Variants in PRMT1 observed in about 807,000 individuals in gnomAD.
PRMT1 encodes protein arginine N-methyltransferase 1.
Under a neutral mutation model 47.4 loss-of-function variants are expected in PRMT1, and 5 were observed. The observed-to-expected ratio is 0.11, with a 90% CI of 0.06 to 0.22. The LOEUF is 0.22. PRMT1 is among the 10% of genes least tolerant of loss of function. The pLI is 1.00. For missense variants in PRMT1, 249 were observed against 518.4 expected, an observed-to-expected ratio of 0.48 and a Z score of 5.05; for synonymous variants, 227 against 204.6, an observed-to-expected ratio of 1.11 and a Z score of -0.94.
rs2082124269 is a variant in PRMT1, at chr19:49,681,972, C to T, written c.255C>T (p.His85=). Residue 85 remains histidine, a synonymous_variant, in exon 4 of 11, where the codon CAC becomes CAT. Coordinates refer to ENST00000454376, the MANE Select transcript of PRMT1 (RefSeq NM_001536.6). This position sits in a 1 kb window ranked among gnomAD's most constrained non-coding sequence, Gnocchi z 4.4. ...TYRNSMFHNR[H]LFKDKVVLDV... is the part of the protein sequence containing the mutation. ...GCAACTCCATGTTTCATAACCGGCA[C>T]CTCTTCAAGGACAAGGTGGTGCTGG... The T allele has an allele frequency of 6.2e-7, 1 of 1,614,190 alleles. No homozygotes were observed. Among genetic ancestry groups the T allele is most frequent in the South Asian group, 1.1e-5 (1 of 91,086 alleles).
At chr19:49,677,993 G>C (rs1428736861) in intron 1 of PRMT1, among the ~76,000 whole-genome samples, 1 of 152,160 alleles carries the variant, frequency 6.6e-6, no homozygotes, top group Non-Finnish European at 1.5e-5. Flanking sequence ...AGGAGTTGGG[G>C]GATGGGGCAT....
At chr19:49,683,464 G>A (rs1046994984) in intron 5 of PRMT1, among the ~76,000 whole-genome samples, 26 of 151,876 alleles carry the variant, frequency 1.7e-4, no homozygotes, top group Admixed American at 5.3e-4. Flanking sequence ...CGAGGCGGGC[G>A]GATCGTGAGG....
At position 49,680,613 on chromosome 19, in the gene PRMT1, C is replaced by T; in HGVS notation, c.192+25C>T. 6.4e-7 allele frequency: 1 copy of T among 1,553,834 alleles called. No individual in the cohort carries two copies. Among genetic ancestry groups the T allele is most frequent in the Non-Finnish European group, 8.9e-7 (1 of 1,125,514 alleles). On this transcript the variant is annotated intron_variant, in intron 3 of 10. Transcript: ENST00000454376. The surrounding 1 kb of genome is among the most constrained non-coding windows in gnomAD (Gnocchi z 4.2). ...GGTCAGTGGGGACAGTCCCCAAGGCCCCAATCTTAGGGGGGCTTAAATGTT... is the reference window on the plus strand; with the variant it reads ...GGTCAGTGGGGACAGTCCCCAAGGCTCCAATCTTAGGGGGGCTTAAATGTT...
chr19:49,687,840 G>A (rs1452159220), intron 10 of PRMT1: 2 of 427,908 alleles, frequency 4.7e-6, no homozygotes, highest in African/African-American at 4.0e-5. Flanking sequence ...GGAGGAAGTG[G>A]GCTTGGGAGA....
intron 5 of PRMT1, 93 bp from the exon 6 acceptor site, chr19:49,683,834 T>C: frequency 6.9e-7 from 1 of 1,442,544 alleles, no homozygotes; most frequent in South Asian, 1.2e-5. Context: ...TTCTCTGAAC[T>C]GAAGTGGGGT....
Position 49,681,138 on chromosome 19 carries a change from C to T in PRMT1, c.192+550C>T, listed in dbSNP as rs1417871707. ...AATCATGGCTCACTGCAGCCTCGAC[C>T]TCCCCGGCTCAGGTGATCCCCCCAC... On this transcript the variant is annotated intron_variant, in intron 3 of 10. Transcript: ENST00000454376. The surrounding 1 kb of genome is among the most constrained non-coding windows in gnomAD (Gnocchi z 4.4). Among the ~76,000 whole-genome samples the T allele has an allele frequency of 1.3e-5, 2 of 152,212 alleles. No individual in the cohort carries two copies. The highest frequency in any genetic ancestry group is 1.9e-4 in the East Asian group (1 of 5,186).
Position 49,684,847 on chromosome 19 carries a change from C to T in PRMT1, c.643+6C>T, listed in dbSNP as rs372587638. On this transcript the variant is annotated splice_donor_region_variant and intron_variant, in intron 7 of 10. Transcript: ENST00000454376. This position sits in a 1 kb window ranked among gnomAD's most constrained non-coding sequence, Gnocchi z 6.2. ...CAAAGACTACAAGATCCACTGTGAGCGCGGCCCGGGAGCTGGCGGGCGGGG... is the reference window on the plus strand; with the variant it reads ...CAAAGACTACAAGATCCACTGTGAGTGCGGCCCGGGAGCTGGCGGGCGGGG... 15 of 1,611,886 alleles carry T rather than the reference C, an allele frequency of 9.3e-6. No individual in the cohort carries two copies. The highest frequency in any genetic ancestry group is 8.0e-5 in the African/African-American group (6 of 74,896).
Position 49,677,326 on chromosome 19 carries a change from TG to T in PRMT1, c.36+12del. On this transcript the variant is annotated intron_variant, in intron 1 of 10. Transcript: ENST00000454376. ...GAACTGCATCATGGAGGTGAGCGCT[TG>T]GAGCGCCGCCGTGGGCGGGAGGCGG... The T allele has an allele frequency of 7.2e-7, 1 of 1,394,368 alleles. No individual in the cohort carries two copies. 86.4% of individuals were successfully genotyped at this position (1,394,368 alleles called of 1,614,324 possible).
chr19:49,685,640 G>A lies in PRMT1; in HGVS notation c.760-453G>A, dbSNP rs144967429. Reference sequence around the variant, plus strand: ...GACCGGGGGATCCTGTCGGGGAGGAGTAAGTTGTTGAGTGGGGGAGGAGAG... The same window carrying A: ...GACCGGGGGATCCTGTCGGGGAGGAATAAGTTGTTGAGTGGGGGAGGAGAG... On this transcript the variant is annotated intron_variant, in intron 8 of 10. Coordinates refer to ENST00000454376, the MANE Select transcript of PRMT1 (RefSeq NM_001536.6). This position sits in a 1 kb window ranked among gnomAD's most constrained non-coding sequence, Gnocchi z 4.7. The A allele has an allele frequency of 2.0e-6, 2 of 1,020,118 alleles. No homozygotes were observed. Among genetic ancestry groups the A allele is most frequent in the South Asian group, 3.8e-5 (1 of 25,984 alleles). 63.2% of individuals were successfully genotyped at this position (1,020,118 alleles called of 1,614,324 possible). A position where few individuals can be genotyped will look rare whatever the true frequency, so the allele number is the denominator to read the frequency against.
In PRMT1 at chr19:49,685,557, A is replaced by G. The variant is rs1461511535; in HGVS notation, c.759+520A>G. On this transcript the variant is annotated intron_variant, in intron 8 of 10. Coordinates refer to ENST00000454376, the MANE Select transcript of PRMT1 (RefSeq NM_001536.6). This position sits in a 1 kb window ranked among gnomAD's most constrained non-coding sequence, Gnocchi z 4.7. ...CTGAGACCCTGTTTAAAAAAAAAAA[A>G]TACGGCGATGAGTATTTGTTGAGCT... 9.8e-7 allele frequency: 1 copy of G among 1,020,492 alleles called. No individual in the cohort carries two copies. Among genetic ancestry groups the G allele is most frequent in the African/African-American group, 1.7e-5 (1 of 57,638 alleles). The allele number at this position is 1,020,492 out of a possible 1,614,324, so 63.2% of individuals were successfully genotyped here.
At chr19:49,679,109 C>T (rs1328424665) in intron 1 of PRMT1, among the ~76,000 whole-genome samples, 1 of 152,100 alleles carries the variant, frequency 6.6e-6, no homozygotes, top group East Asian at 1.9e-4. Context: ...GTCTCAAACT[C>T]CTGACCTCAG....
At chr19:49,683,712 A>T in intron 5 of PRMT1, 3 of 517,336 alleles carry the variant, frequency 5.8e-6, no homozygotes, top group Non-Finnish European at 6.9e-6. Flanking sequence ...AAAAAAAGTA[A>T]CATCACCTGA....
chr19:49,686,455 C>A, intron 9 of PRMT1, 150 bp from the exon 10 acceptor site: 1 of 1,175,694 alleles, frequency 8.5e-7, no homozygotes, highest in Non-Finnish European at 1.2e-6. Flanking sequence ...CTGACACGGT[C>A]CCTGTCTCCA....
In PRMT1 at chr19:49,684,652, T is replaced by C; in HGVS notation, c.556-102T>C. 7.7e-7 allele frequency: 1 copy of C among 1,306,356 alleles called. No individual in the cohort carries two copies. Among genetic ancestry groups the C allele is most frequent in the Non-Finnish European group, 1.1e-6 (1 of 940,018 alleles). 80.9% of individuals were successfully genotyped at this position (1,306,356 alleles called of 1,614,324 possible). A position where few individuals can be genotyped will look rare whatever the true frequency, so the allele number is the denominator to read the frequency against. On this transcript the variant is annotated intron_variant, in intron 6 of 10. Transcript: ENST00000454376. This position sits in a 1 kb window ranked among gnomAD's most constrained non-coding sequence, Gnocchi z 6.2. ...GCGAGGGGTGAGTGCCGCTGCGACATGAGGGTGGCCCAGACCAGGGCAGGA... is the reference window on the plus strand; with the variant it reads ...GCGAGGGGTGAGTGCCGCTGCGACACGAGGGTGGCCCAGACCAGGGCAGGA...
rs1039822323 is a variant in PRMT1, at chr19:49,685,915, T to C, written c.760-178T>C. ...TCTGGGCTCGAACCCACATGGTTTA[T>C]TGGGAGCCGGATAGGCAGGATGCAG... On this transcript the variant is annotated intron_variant, in intron 8 of 10. Coordinates refer to ENST00000454376, the MANE Select transcript of PRMT1 (RefSeq NM_001536.6). This position sits in a 1 kb window ranked among gnomAD's most constrained non-coding sequence, Gnocchi z 4.7. 1.5e-5 allele frequency: 22 copies of C among 1,425,116 alleles called. No homozygotes were observed. The highest frequency in any genetic ancestry group is 5.8e-5 in the African/African-American group (4 of 69,356). 88.3% of individuals were successfully genotyped at this position (1,425,116 alleles called of 1,614,324 possible).
At position 49,685,913 on chromosome 19, in the gene PRMT1, T is replaced by G; in HGVS notation, c.760-180T>G. On this transcript the variant is annotated intron_variant, in intron 8 of 10. Coordinates refer to ENST00000454376, the MANE Select transcript of PRMT1 (RefSeq NM_001536.6). The surrounding 1 kb of genome is among the most constrained non-coding windows in gnomAD (Gnocchi z 4.7). ...AATCTGGGCTCGAACCCACATGGTTTATTGGGAGCCGGATAGGCAGGATGC... is the reference window on the plus strand; with the variant it reads ...AATCTGGGCTCGAACCCACATGGTTGATTGGGAGCCGGATAGGCAGGATGC... 7.0e-7 allele frequency: 1 copy of G among 1,422,764 alleles called. No individual in the cohort carries two copies. 88.1% of individuals were successfully genotyped at this position (1,422,764 alleles called of 1,614,324 possible).
chr19:49,679,171 A>C (rs986176709), intron 1 of PRMT1, among the ~76,000 whole-genome samples: 8 of 152,058 alleles, frequency 5.3e-5, no homozygotes, highest in African/African-American at 1.9e-4. Flanking sequence ...GGTGTGAGCC[A>C]CCGTGCCCCC....
rs550597974 is a variant in PRMT1, at chr19:49,687,940, G to A, written c.1033-222G>A. ...TCCAAGGGCAAGGGACAGCAGCTGG[G>A]CTCTACTCCTGAGTGAGTCTAGTGG... On this transcript the variant is annotated intron_variant, in intron 10 of 10. Transcript: ENST00000454376. The A allele has an allele frequency of 6.7e-6, 4 of 601,028 alleles. 1 individual carries two copies. In the African/African-American group the frequency reaches 7.4e-5, roughly 11 times the overall value. The allele number at this position is 601,028 out of a possible 1,614,324, so 37.2% of individuals were successfully genotyped here.
At chr19:49,677,350 C>G in intron 1 of PRMT1, 34 bp downstream of exon 1, 7 of 1,372,780 alleles carry the variant, frequency 5.1e-6, no homozygotes, top group Non-Finnish European at 6.6e-6. Context: ...GGGCGGGAGG[C>G]GGCTTTGGGT....
Sources: allele counts gnomAD v4.1 joint callset (sites outside exome capture counted in the v4.1 genomes callset), GRCh38; gene constraint gnomAD v4.1.1; non-coding constraint Gnocchi (gnomAD v3.1); transcripts MANE v1.5; gene names NCBI Gene and HGNC (gene_info 2026-07-23, HGNC 2026-07-21).